Variants in DGKH observed in about 807,000 individuals in gnomAD.
DGKH encodes diacylglycerol kinase eta.
In DGKH, 90 loss-of-function variants were observed where a neutral mutation model predicts 159.3. The ratio of observed to expected loss-of-function variants is 0.57; its 90% confidence interval spans 0.48 to 0.67. The LOEUF (loss-of-function observed/expected upper bound fraction) is 0.67. DGKH is among the 30% of genes least tolerant of loss of function. The probability of loss-of-function intolerance (pLI) is 0.00; values close to 1 mark genes in which losing one functional copy is unlikely to be tolerated. For synonymous variants in DGKH, 536 were observed against 553.8 expected, an observed-to-expected ratio of 0.97 and a Z score of 0.45; for missense variants, 1,181 against 1,506.1, an observed-to-expected ratio of 0.78 and a Z score of 3.57.
At chr13:42,075,245 A>G (rs1954073237) in intron 1 of DGKH, among the ~76,000 whole-genome samples, 2 of 152,184 alleles carry the variant, frequency 1.3e-5, no homozygotes, top group South Asian at 4.1e-4. Context: ...TTGAAGGTGT[A>G]ATAATCCTTC....
chr13:42,188,577 A>T (rs1275860461), intron 14 of DGKH, among the ~76,000 whole-genome samples: 1 of 152,190 alleles, frequency 6.6e-6, no homozygotes, highest in Non-Finnish European at 1.5e-5. Flanking sequence ...AAGTTGATCC[A>T]ATGTTTTGTG....
Position 42,048,929 on chromosome 13 carries a change from C to T in DGKH, c.156C>T (p.Ile52=). 7.5e-7 allele frequency: 1 copy of T among 1,329,854 alleles called. No homozygotes were observed. Among genetic ancestry groups the T allele is most frequent in the Non-Finnish European group, 9.7e-7 (1 of 1,032,274 alleles). The allele number at this position is 1,329,854 out of a possible 1,614,324, so 82.4% of individuals were successfully genotyped here. The change falls in exon 1 of 30, where the codon ATC becomes ATT. Residue 52 remains isoleucine, a synonymous_variant. Coordinates refer to ENST00000337343, the MANE Select transcript of DGKH (RefSeq NM_178009.5). This position sits in a 1 kb window ranked among gnomAD's most constrained non-coding sequence, Gnocchi z 6.7. ...AGCAAGAGGGACCCCAGAAACTGATCCGCAAAGTGTCTACCTCGGGGCAGA... is the reference window on the plus strand; with the variant it reads ...AGCAAGAGGGACCCCAGAAACTGATTCGCAAAGTGTCTACCTCGGGGCAGA... ...EAEQEGPQKL[I]RKVSTSGQIR...
At chr13:42,109,435 T>C (rs189776469) in intron 1 of DGKH, among the ~76,000 whole-genome samples, 9 of 152,288 alleles carry the variant, frequency 5.9e-5, no homozygotes, top group Admixed American at 3.3e-4. Context: ...ATGATGGAGA[T>C]GGACGATTAC....
chr13:42,181,024 C>T (rs1339494326), intron 13 of DGKH, among the ~76,000 whole-genome samples: 1 of 152,050 alleles, frequency 6.6e-6, no homozygotes, highest in Non-Finnish European at 1.5e-5. Context: ...CGCTTGTAAT[C>T]CCAGCACTTT....
chr13:42,207,033 CTT>C (rs1341486330), intron 21 of DGKH, among the ~76,000 whole-genome samples: 8 of 96,466 alleles, frequency 8.3e-5, no homozygotes, highest in African/African-American at 3.3e-4. Flanking sequence ...CTTTTTCTTT[CTT>C]TCTTTCCTTC....
chr13:42,057,652 T>C (rs1002917953), intron 1 of DGKH, among the ~76,000 whole-genome samples: 2 of 152,174 alleles, frequency 1.3e-5, no homozygotes, highest in African/African-American at 2.4e-5. Context: ...GAAATATCTA[T>C]GGTGTTCCAA....
At chr13:42,218,262 GA>G (rs1405968580) in intron 26 of DGKH, among the ~76,000 whole-genome samples, 8 of 152,140 alleles carry the variant, frequency 5.3e-5, no homozygotes, top group Non-Finnish European at 8.8e-5. Context: ...AGTTAATGCA[GA>G]TAATAGGTGA....
chr13:42,185,098 A>G (rs776046352), intron 13 of DGKH, among the ~76,000 whole-genome samples: 16 of 152,048 alleles, frequency 1.1e-4, no homozygotes, highest in Non-Finnish European at 2.4e-4. Flanking sequence ...TTTTTTCTCC[A>G]ATTTGCACGT....
intron 3 of DGKH, among the ~76,000 whole-genome samples, chr13:42,150,346 G>T (rs1395583693): frequency 6.6e-6 from 1 of 152,136 alleles, no homozygotes; most frequent in South Asian, 2.1e-4. Context: ...TGAGAAATAG[G>T]CACTATTTGT....
intron 23 of DGKH, 130 bp from the exon 24 acceptor site, chr13:42,210,472 T>G: frequency 1.1e-6 from 1 of 888,150 alleles, no homozygotes; most frequent in Non-Finnish European, 1.7e-6. Context: ...CTTTGAAATG[T>G]CTTTTTTATA....
intron 3 of DGKH, among the ~76,000 whole-genome samples, chr13:42,131,081 G>A (rs1955279075): frequency 6.6e-6 from 1 of 152,060 alleles, no homozygotes; most frequent in South Asian, 2.1e-4. Context: ...TGGTCCCATT[G>A]ATGTGAGTAG....
At chr13:42,228,949 C>A (rs1241254677) in intron 29 of DGKH, 150 bp from the exon 30 acceptor site, 1 of 632,174 alleles carries the variant, frequency 1.6e-6, no homozygotes. Context: ...GAACTGAATG[C>A]TAATTATGTT....
intron 1 of DGKH, among the ~76,000 whole-genome samples, chr13:42,077,469 A>G (rs1198032296): frequency 2.0e-5 from 3 of 152,204 alleles, no homozygotes; most frequent in Admixed American, 6.5e-5. Flanking sequence ...ATGTTTCAAT[A>G]GCAAGAAAGA....
chr13:42,245,233 TAGAG>T (rs1238424578), downstream of DGKH, among the ~76,000 whole-genome samples: 2 of 152,190 alleles, frequency 1.3e-5, no homozygotes, highest in East Asian at 1.9e-4. Context: ...TCTCCTTTGA[TAGAG>T]AGATTCAAAC....
Position 42,230,677 on chromosome 13 carries a change from C to T in DGKH, c.*1489C>T, listed in dbSNP as rs1299976729. The T allele has an allele frequency of 6.6e-6, 1 of 151,716 alleles. No individual in the cohort carries two copies. The highest frequency in any genetic ancestry group is 2.4e-5 in the African/African-American group (1 of 41,334). 9.4% of individuals were successfully genotyped at this position (151,716 alleles called of 1,614,324 possible). A position where few individuals can be genotyped will look rare whatever the true frequency, so the allele number is the denominator to read the frequency against. On this transcript the variant is annotated 3_prime_UTR_variant, in exon 30 of 30. Transcript: ENST00000337343. ...ATACACACAGATATATACATATACA[C>T]ATATATGTGTATATATACATACATA...
At chr13:42,081,199 G>A (rs1360307299) in intron 1 of DGKH, among the ~76,000 whole-genome samples, 1 of 151,052 alleles carries the variant, frequency 6.6e-6, no homozygotes, top group Non-Finnish European at 1.5e-5. Flanking sequence ...CTCTATTTAG[G>A]TTGCCATGCT....
chr13:42,131,243 G>T (rs1461366380), intron 3 of DGKH, among the ~76,000 whole-genome samples: 3 of 152,144 alleles, frequency 2.0e-5, no homozygotes, highest in Non-Finnish European at 4.4e-5. Flanking sequence ...ATCCAGAAGA[G>T]AATTTTAGTT....
chr13:42,164,117 A>G (rs1317934573), intron 7 of DGKH, among the ~76,000 whole-genome samples: 1 of 152,178 alleles, frequency 6.6e-6, no homozygotes, highest in East Asian at 1.9e-4. Context: ...AACATAATCT[A>G]TGTAGTGAAA....
intron 1 of DGKH, among the ~76,000 whole-genome samples, chr13:42,099,228 C>G (rs1227712445): frequency 1.3e-5 from 2 of 152,160 alleles, no homozygotes; most frequent in Non-Finnish European, 2.9e-5. Context: ...TGCCTTATTC[C>G]ACATTATCAA....
Sources: gnomAD v4.1 joint callset for allele counts (sites outside exome capture counted in the v4.1 genomes callset) on GRCh38, gnomAD v4.1.1 for gene constraint, Gnocchi (gnomAD v3.1) non-coding constraint, MANE v1.5 for transcripts, NCBI Gene and HGNC (gene_info 2026-07-23, HGNC 2026-07-21) for gene names.